The following UNC79 variants were observed in gnomAD, a reference collection of about 807,000 sequenced individuals.
The protein encoded by UNC79 is unc-79 subunit of NALCN channel complex, also known as protein unc-79 homolog.
A neutral mutation model predicts 283.1 loss-of-function variants in UNC79; 37 were observed. That is an observed-to-expected ratio of 0.13 (90% CI 0.10 to 0.17). The LOEUF is 0.17. UNC79 is among the 10% of genes least tolerant of loss of function. The pLI is 1.00. For synonymous variants in UNC79, 1,107 were observed against 1,200.2 expected (o/e 0.92, Z 1.61); for missense variants, 2,272 against 3,211.1 (o/e 0.71, Z 7.07).
intron 7 of UNC79, among the ~76,000 whole-genome samples, chr14:93,518,884 G>A (rs1401265955): frequency 1.3e-5 from 2 of 151,818 alleles, no homozygotes; most frequent in Non-Finnish European, 3.0e-5. Context: ...ATTCTATTGT[G>A]GCTAGAGAAT....
intron 31 of UNC79, among the ~76,000 whole-genome samples, chr14:93,634,291 T>G (rs1317593012): frequency 6.6e-6 from 1 of 152,216 alleles, no homozygotes; most frequent in Non-Finnish European, 1.5e-5. Flanking sequence ...GGATAAATAT[T>G]TACAGGCGAC....
intron 5 of UNC79, among the ~76,000 whole-genome samples, chr14:93,490,614 T>C (rs568191489): frequency 3.3e-5 from 5 of 152,336 alleles, no homozygotes; most frequent in African/African-American, 9.6e-5. Context: ...TTCCTCCACT[T>C]TCCAGGAATG....
intron 44 of UNC79, chr14:93,689,784 C>T (rs548454178): frequency 1.1e-4 from 25 of 232,420 alleles, no homozygotes; most frequent in Admixed American, 3.7e-4. Flanking sequence ...CCACCGCGCC[C>T]GGCCCACCAG....
At chr14:93,658,154 G>C (rs572873350) in intron 38 of UNC79, among the ~76,000 whole-genome samples, 2 of 152,314 alleles carry the variant, frequency 1.3e-5, no homozygotes, top group African/African-American at 4.8e-5. Flanking sequence ...GGGCAGATCT[G>C]GGCACTGCCC....
exon 30 of UNC79, chr14:93,622,383 T>G: frequency 6.2e-7 from 1 of 1,614,150 alleles, no homozygotes. Context: ...CTCATCACTC[T>G]GGAAGACCCT....
intron 1 of UNC79, among the ~76,000 whole-genome samples, chr14:93,438,981 A>T (rs1017929694): frequency 1.3e-5 from 2 of 151,988 alleles, no homozygotes; most frequent in African/African-American, 4.8e-5. Flanking sequence ...TTGCCATCAT[A>T]ATTGAGATGT....
chr14:93,636,076 G>A (rs938216010), intron 31 of UNC79, among the ~76,000 whole-genome samples: 10 of 152,290 alleles, frequency 6.6e-5, no homozygotes, highest in East Asian at 3.9e-4. Context: ...TTTAGATTCC[G>A]ACTACAATGA....
intron 43 of UNC79, among the ~76,000 whole-genome samples, chr14:93,687,728 C>T (rs1158408071): frequency 6.6e-6 from 1 of 152,146 alleles, no homozygotes; most frequent in Admixed American, 6.5e-5. Flanking sequence ...CTGTCGTTCG[C>T]TCCTGTGCCG....
intron 1 of UNC79, among the ~76,000 whole-genome samples, chr14:93,349,440 A>T (rs1490956012): frequency 3.3e-5 from 5 of 152,192 alleles, no homozygotes; most frequent in Non-Finnish European, 5.9e-5. Context: ...CGAGTTCCTC[A>T]CTAGTCAAGT....
intron 1 of UNC79, among the ~76,000 whole-genome samples, chr14:93,340,467 A>C (rs866177889): frequency 6.2e-5 from 9 of 145,558 alleles, no homozygotes; most frequent in African/African-American, 2.3e-4. Flanking sequence ...AAAAAAAAGA[A>C]GGCCACCTAT....
At chr14:93,635,318 T>C (rs114083264) in intron 31 of UNC79, among the ~76,000 whole-genome samples, 1 of 151,990 alleles carries the variant, frequency 6.6e-6, no homozygotes, top group Non-Finnish European at 1.5e-5. Context: ...GCCTTTTCTG[T>C]TTTTTTTCTT....
chr14:93,592,320 G>A (rs1172111500), intron 22 of UNC79, among the ~76,000 whole-genome samples: 3 of 151,510 alleles, frequency 2.0e-5, no homozygotes, highest in Non-Finnish European at 4.4e-5. Context: ...GACTACAGGC[G>A]CCCACCACCA....
At chr14:93,652,289 G>A (rs2070371398) in intron 35 of UNC79, among the ~76,000 whole-genome samples, 1 of 151,870 alleles carries the variant, frequency 6.6e-6, no homozygotes, top group African/African-American at 2.4e-5. Context: ...TTGAGGCAGG[G>A]TCTTGCTCTA....
intron 1 of UNC79, among the ~76,000 whole-genome samples, chr14:93,417,181 A>G (rs908613022): frequency 5.9e-4 from 90 of 152,060 alleles, no homozygotes; most frequent in Non-Finnish European, 9.4e-4. Context: ...TTCCATGTTT[A>G]GTGCTTCCTT....
intron 1 of UNC79, among the ~76,000 whole-genome samples, chr14:93,341,787 G>A (rs1473095205): frequency 3.3e-5 from 5 of 151,994 alleles, no homozygotes; most frequent in Non-Finnish European, 5.9e-5. Context: ...CTCTGCCAAG[G>A]GCATGCCACA....
At chr14:93,538,428 G>A (rs1390439247) in intron 12 of UNC79, among the ~76,000 whole-genome samples, 1 of 152,232 alleles carries the variant, frequency 6.6e-6, no homozygotes, top group Non-Finnish European at 1.5e-5. Context: ...ACTATGCTGG[G>A]CACATGGGAG....
chr14:93,600,030 C>T (rs1316335088), intron 24 of UNC79, among the ~76,000 whole-genome samples: 1 of 152,100 alleles, frequency 6.6e-6, no homozygotes, highest in Non-Finnish European at 1.5e-5. Context: ...GAAACCTCGT[C>T]TCTACTAAAA....
At chr14:93,622,768 C>T in exon 30 of UNC79, 1 of 1,614,170 alleles carries the variant, frequency 6.2e-7, no homozygotes, top group Non-Finnish European at 8.5e-7. Flanking sequence ...AGATTGCTGT[C>T]AGTGCTATCC....
intron 40 of UNC79, 64 bp from the exon 44 acceptor site, chr14:93,673,287 G>T: frequency 6.9e-7 from 1 of 1,446,624 alleles, no homozygotes; most frequent in Non-Finnish European, 9.5e-7. Context: ...AAGCTCTTTT[G>T]ACATGGATAT....
Sources: allele counts gnomAD v4.1 joint callset (sites outside exome capture counted in the v4.1 genomes callset), GRCh38; gene constraint gnomAD v4.1.1; transcripts MANE v1.5; gene names NCBI Gene and HGNC (gene_info 2026-07-23, HGNC 2026-07-21).